RIMS1: variants seen among roughly 807,000 people sequenced by gnomAD.
RIMS1 encodes regulating synaptic membrane exocytosis 1, also known as regulating synaptic membrane exocytosis protein 1.
RIMS1 carries 83 observed loss-of-function variants against 214.1 expected under a neutral mutation model. That is an observed-to-expected ratio of 0.39 (90% confidence interval 0.32 to 0.47). RIMS1 has a LOEUF of 0.47. Ranked by LOEUF, RIMS1 falls within the 20% of genes least tolerant of loss-of-function variation. The pLI, the probability that RIMS1 is intolerant of heterozygous loss-of-function variation, is 0.99. For missense variants in RIMS1, 2,050 were observed against 2,161.8 expected (o/e 0.95, Z 1.03); for synonymous variants, 793 against 786.8 (o/e 1.01, Z -0.13).
chr6:72,099,583 G>C (rs1290227540), intron 3 of RIMS1, among the ~76,000 whole-genome samples: 7 of 151,830 alleles, frequency 4.6e-5, no homozygotes, highest in African/African-American at 1.7e-4. Flanking sequence ...ACAATAATTT[G>C]ACAAAATTAT....
chr6:72,378,931 G>A (rs1003189621), intron 29 of RIMS1, among the ~76,000 whole-genome samples: 1 of 152,172 alleles, frequency 6.6e-6, no homozygotes, highest in Non-Finnish European at 1.5e-5. Flanking sequence ...TTTATTGCTA[G>A]AATCTTCCCC....
Position 72,245,802 on chromosome 6 carries a change from C to T in RIMS1, c.2082-13C>T. 3 of 1,603,778 alleles carry T rather than the reference C, an allele frequency of 1.9e-6. No individual in the cohort carries two copies. The highest frequency in any genetic ancestry group is 2.6e-6 in the Non-Finnish European group (3 of 1,170,866). ...TAACTAATGGGATTTTCACCATATCCTGTTTCTTTTAGTGACATTCCCCGG... is the reference window on the plus strand; with the variant it reads ...TAACTAATGGGATTTTCACCATATCTTGTTTCTTTTAGTGACATTCCCCGG... On this transcript the variant is annotated splice_polypyrimidine_tract_variant and intron_variant, in intron 10 of 33. Transcript: ENST00000521978.
At chr6:72,210,908 A>G (rs528823945) in intron 6 of RIMS1, among the ~76,000 whole-genome samples, 3 of 152,348 alleles carry the variant, frequency 2.0e-5, no homozygotes, top group Admixed American at 2.0e-4. Context: ...GCATGCATGC[A>G]GGGATCAGTG....
chr6:72,381,365 C>T (rs1008876205), intron 29 of RIMS1, among the ~76,000 whole-genome samples: 4 of 152,190 alleles, frequency 2.6e-5, no homozygotes, highest in Non-Finnish European at 5.9e-5. Flanking sequence ...GTGGTTAGGG[C>T]TTCAACATGT....
intron 4 of RIMS1, among the ~76,000 whole-genome samples, chr6:72,143,416 T>C (rs116702128): frequency 1.8e-3 from 269 of 151,888 alleles, no homozygotes; most frequent in Middle Eastern, 0.01. Flanking sequence ...ATAAAGAGAG[T>C]CCAAAGCAAA....
chr6:72,141,443 TC>T (rs1263156454), intron 4 of RIMS1, among the ~76,000 whole-genome samples: 7 of 151,994 alleles, frequency 4.6e-5, no homozygotes, highest in Admixed American at 1.3e-4. Flanking sequence ...AATCTGATAA[TC>T]CATTATTGTG....
At chr6:72,125,547 A>C (rs2039334487) in intron 4 of RIMS1, among the ~76,000 whole-genome samples, 1 of 152,234 alleles carries the variant, frequency 6.6e-6, no homozygotes, top group Non-Finnish European at 1.5e-5. Flanking sequence ...TTAAGTCTGC[A>C]GAAGTTTCTA....
chr6:72,087,671 A>G (rs1349789653), intron 2 of RIMS1, among the ~76,000 whole-genome samples: 2 of 152,218 alleles, frequency 1.3e-5, no homozygotes, highest in Non-Finnish European at 2.9e-5. Context: ...GTCTGCTTTT[A>G]CTTTGACTGG....
chr6:72,294,869 A>T (rs1485234431), intron 26 of RIMS1, among the ~76,000 whole-genome samples: 2 of 151,704 alleles, frequency 1.3e-5, no homozygotes, highest in Admixed American at 1.3e-4. Context: ...CACAATACAG[A>T]TTTTTGCGGT....
chr6:72,341,791 G>A (rs2097102684), intron 29 of RIMS1, among the ~76,000 whole-genome samples: 1 of 151,648 alleles, frequency 6.6e-6, no homozygotes, highest in South Asian at 2.1e-4. Flanking sequence ...CTAGGATGAG[G>A]GCACATACAG....
At chr6:71,908,697 T>C (rs1047306991) in intron 1 of RIMS1, among the ~76,000 whole-genome samples, 18 of 152,220 alleles carry the variant, frequency 1.2e-4, no homozygotes, top group African/African-American at 4.1e-4. Context: ...CATTGGTAAA[T>C]TTTGAACACC....
intron 2 of RIMS1, among the ~76,000 whole-genome samples, chr6:72,052,579 G>T (rs1467614512): frequency 6.6e-6 from 1 of 152,128 alleles, no homozygotes; most frequent in African/African-American, 2.4e-5. Context: ...AAATATCATG[G>T]ACTTTGAAAT....
intron 28 of RIMS1, among the ~76,000 whole-genome samples, chr6:72,327,321 A>G (rs932895989): frequency 6.6e-6 from 1 of 151,720 alleles, no homozygotes; most frequent in Non-Finnish European, 1.5e-5. Context: ...CATTTTCCAT[A>G]CCTATCAGTA....
intron 1 of RIMS1, among the ~76,000 whole-genome samples, chr6:71,912,673 A>G (rs1005340828): frequency 5.9e-5 from 9 of 152,170 alleles, no homozygotes; most frequent in African/African-American, 1.9e-4. Flanking sequence ...ACATTTGGCA[A>G]ATATTAGACC....
At chr6:71,972,940 G>A (rs931330731) in intron 2 of RIMS1, among the ~76,000 whole-genome samples, 2 of 152,150 alleles carry the variant, frequency 1.3e-5, no homozygotes, top group Non-Finnish European at 2.9e-5. Flanking sequence ...TTTTGAGACG[G>A]AGTCTTGCTC....
intron 1 of RIMS1, among the ~76,000 whole-genome samples, chr6:71,917,998 T>C (rs954138205): frequency 6.6e-6 from 1 of 152,034 alleles, no homozygotes; most frequent in Non-Finnish European, 1.5e-5. Context: ...ATGTAAACTT[T>C]GAGATGATGA....
intron 4 of RIMS1, among the ~76,000 whole-genome samples, chr6:72,119,651 G>A (rs1290043685): frequency 6.6e-6 from 1 of 151,406 alleles, no homozygotes; most frequent in East Asian, 1.9e-4. Flanking sequence ...AATACTTATA[G>A]CCAACTGATT....
intron 29 of RIMS1, among the ~76,000 whole-genome samples, chr6:72,382,425 G>A (rs576400872): frequency 3.3e-5 from 5 of 152,266 alleles, no homozygotes; most frequent in African/African-American, 1.2e-4. Context: ...CATCAACAAA[G>A]GAGAGCTGCT....
At chr6:72,369,491 G>A (rs2154399541) in intron 29 of RIMS1, among the ~76,000 whole-genome samples, 1 of 152,294 alleles carries the variant, frequency 6.6e-6, no homozygotes, top group Middle Eastern at 3.4e-3. Flanking sequence ...TCTAGGGCAG[G>A]TCATGAGAGA....
Sources: allele counts gnomAD v4.1 joint callset (sites outside exome capture counted in the v4.1 genomes callset), GRCh38; gene constraint gnomAD v4.1.1; transcripts MANE v1.5; gene names NCBI Gene and HGNC (gene_info 2026-07-23, HGNC 2026-07-21).